Variants in CWH43 observed in about 807,000 individuals in gnomAD.
CWH43 encodes the protein cell wall biogenesis 43 C-terminal homolog.
A neutral mutation model predicts 85.7 loss-of-function variants in CWH43; 91 were observed. That is an observed-to-expected ratio of 1.06 (90% CI 0.90 to 1.26). The LOEUF (loss-of-function observed/expected upper bound fraction) is 1.26, where lower values mean the gene tolerates loss of function less well. CWH43 is among the 50% of genes most tolerant of loss of function. The probability of loss-of-function intolerance (pLI) is 0.00; values close to 1 mark genes in which losing one functional copy is unlikely to be tolerated. For synonymous variants in CWH43, 323 were observed against 293.6 expected (o/e 1.10, Z -1.02); for missense variants, 869 against 839.2 (o/e 1.04, Z -0.44).
intron 13 of CWH43, 70 bp from the exon 14 acceptor site, chr4:49,044,716 A>G (rs991970828): frequency 1.7e-6 from 2 of 1,192,590 alleles, no homozygotes; most frequent in Non-Finnish European, 1.2e-6. Flanking sequence ...TAGCTCACAC[A>G]TTTTTTGGCA....
intron 14 of CWH43, among the ~76,000 whole-genome samples, chr4:49,049,765 T>G (rs1457857619): frequency 6.6e-6 from 1 of 152,182 alleles, no homozygotes; most frequent in Non-Finnish European, 1.5e-5. Context: ...TTGAATTTTT[T>G]GCTATAGTGT....
chr4:49,028,270 A>G (rs1783983084), intron 9 of CWH43, among the ~76,000 whole-genome samples: 1 of 151,932 alleles, frequency 6.6e-6, no homozygotes, highest in South Asian at 2.1e-4. Context: ...GCCCTAATTC[A>G]TTTATTAGGG....
Position 49,011,616 on chromosome 4 carries a change from G to T in CWH43, c.1186+4290G>T, listed in dbSNP as rs546121462. ...GGTACTGGTTGGCGTGTTTTTGCAG[G>T]TACCGGTTGTTCCTGTCCATGTTTA... is the stretch of plus-strand genomic sequence containing the variant. On this transcript the variant is annotated intron_variant, in intron 8 of 15. Transcript: ENST00000226432. Among the ~76,000 whole-genome samples the T allele has an allele frequency of 3.0e-4, 46 of 152,210 alleles. 1 individual carries two copies. The South Asian group carries it at 9.3e-3, about 31-fold the overall frequency.
chr4:49,041,724 G>T (rs1784468509), intron 13 of CWH43, among the ~76,000 whole-genome samples: 1 of 152,280 alleles, frequency 6.6e-6, no homozygotes, highest in Non-Finnish European at 1.5e-5. Flanking sequence ...CTACCTTGTG[G>T]TTCCATTTGA....
In CWH43 at chr4:49,044,711, C is replaced by G. The variant is rs1304002148; in HGVS notation, c.1804-75C>G. The G allele has an allele frequency of 7.4e-6, 8 of 1,084,694 alleles. No individual in the cohort carries two copies. In the African/African-American group the frequency reaches 1.3e-4, roughly 17 times the overall value. The allele number at this position is 1,084,694 out of a possible 1,614,324, so 67.2% of individuals were successfully genotyped here. The stretch of plus-strand genomic sequence containing the variant: ...ACAAAGAGATATTTATCATGTAGCT[C>G]ACACATTTTTTGGCAATGTGGAATA... On this transcript the variant is annotated intron_variant, in intron 13 of 15. Transcript: ENST00000226432.
intron 1 of CWH43, chr4:48,986,710 C>A: frequency 7.4e-7 from 1 of 1,349,438 alleles, no homozygotes; most frequent in Non-Finnish European, 9.5e-7. Context: ...CCCCGTCGCC[C>A]GAGTTCCCAG....
At chr4:49,032,541 C>T (rs1784129145) in intron 11 of CWH43, 25 bp from the exon 12 acceptor site, 1 of 1,612,918 alleles carries the variant, frequency 6.2e-7, no homozygotes, top group Non-Finnish European at 8.5e-7. Flanking sequence ...CAATGATGCC[C>T]ATGTCTCTTT....
At chr4:49,020,836 T>G (rs925960208) in intron 9 of CWH43, among the ~76,000 whole-genome samples, 1 of 152,226 alleles carries the variant, frequency 6.6e-6, no homozygotes, top group African/African-American at 2.4e-5. Flanking sequence ...TCCATATGTT[T>G]TTTGGCCATT....
chr4:49,009,682 TGAAGCACTGTTGAATTTTGTC>T (rs1348723231), intron 8 of CWH43, among the ~76,000 whole-genome samples: 2 of 152,220 alleles, frequency 1.3e-5, no homozygotes, highest in Non-Finnish European at 2.9e-5. Flanking sequence ...GTTTTTAGCA[TGAAGCACTGTTGAATTTTGTC>T]GAAGGCCTTT....
chr4:49,023,290 G>A (rs1028420709), intron 9 of CWH43, among the ~76,000 whole-genome samples: 1 of 152,052 alleles, frequency 6.6e-6, no homozygotes, highest in African/African-American at 2.4e-5. Context: ...TTTCATTGTG[G>A]ACACAATGAT....
At chr4:48,998,759 C>T (rs921863428) in intron 6 of CWH43, among the ~76,000 whole-genome samples, 1 of 152,164 alleles carries the variant, frequency 6.6e-6, no homozygotes, top group South Asian at 2.1e-4. Context: ...ACCTCCGCCT[C>T]CCCCTCCTCC....
At position 48,991,927 on chromosome 4, in the gene CWH43, C is replaced by A. The variant is rs1409982048; in HGVS notation, c.357-9C>A. 1 of 1,608,500 alleles carries A rather than the reference C, an allele frequency of 6.2e-7. No individual in the cohort carries two copies. The highest frequency in any genetic ancestry group is 1.1e-5 in the South Asian group (1 of 90,578). The stretch of plus-strand genomic sequence containing the variant: ...TAAAAAGTGTTTAAAAATACTTTTG[C>A]ACTTACAGGTACCTCAGAATTTGGG... On this transcript the variant is annotated splice_polypyrimidine_tract_variant and intron_variant, in intron 3 of 15. Transcript: ENST00000226432.
intron 15 of CWH43, among the ~76,000 whole-genome samples, chr4:49,060,202 C>T (rs528546480): frequency 6.6e-6 from 1 of 151,702 alleles, no homozygotes; most frequent in African/African-American, 2.4e-5. Flanking sequence ...AGCCTAGCAC[C>T]AGGTTGGGCT....
At position 49,026,676 on chromosome 4, in the gene CWH43, G is replaced by A. The variant is rs927315790; in HGVS notation, c.1267-1953G>A. Among the ~76,000 whole-genome samples, 81 of 151,980 alleles carry A rather than the reference G, an allele frequency of 5.3e-4. 2 individuals are homozygous for A. The highest frequency in any genetic ancestry group is 1.9e-3 in the African/African-American group (79 of 41,360). ...CCTGAGTTACTTCACTTAGAATAACGGCATTCAGACCCATCCAAGTTGCTG... is the reference window on the plus strand; with the variant it reads ...CCTGAGTTACTTCACTTAGAATAACAGCATTCAGACCCATCCAAGTTGCTG... On this transcript the variant is annotated intron_variant, in intron 9 of 15. Transcript: ENST00000226432.
chr4:49,047,482 G>T (rs1784660385), intron 14 of CWH43, among the ~76,000 whole-genome samples: 1 of 152,078 alleles, frequency 6.6e-6, no homozygotes, highest in South Asian at 2.1e-4. Context: ...ATGGAGGTGG[G>T]GTGCAATTGT....
chr4:49,017,008 A>T, intron 8 of CWH43: 1 of 771,956 alleles, frequency 1.3e-6, no homozygotes, highest in Non-Finnish European at 2.4e-6. Context: ...TGCTGGGTGA[A>T]GTCGATATAG....
intron 12 of CWH43, among the ~76,000 whole-genome samples, chr4:49,033,009 G>A (rs1051563424): frequency 6.6e-6 from 1 of 152,100 alleles, no homozygotes; most frequent in African/African-American, 2.4e-5. Flanking sequence ...TCTGTGTAGG[G>A]TAAGCACTCT....
intron 12 of CWH43, among the ~76,000 whole-genome samples, chr4:49,034,610 T>C (rs1397918063): frequency 6.6e-6 from 1 of 152,158 alleles, no homozygotes; most frequent in African/African-American, 2.4e-5. Flanking sequence ...GTAACAATAA[T>C]AGTGAACACT....
chr4:49,029,884 C>T (rs2109804058), intron 10 of CWH43, among the ~76,000 whole-genome samples: 1 of 152,354 alleles, frequency 6.6e-6, no homozygotes, highest in African/African-American at 2.4e-5. Context: ...TCTCCTGCTG[C>T]ATTCCCCTTG....
Sources: gnomAD v4.1 joint callset for allele counts (sites outside exome capture counted in the v4.1 genomes callset) on GRCh38, gnomAD v4.1.1 for gene constraint, MANE v1.5 for transcripts, NCBI Gene and HGNC (gene_info 2026-07-23, HGNC 2026-07-21) for gene names.